The following CAST variants were observed in gnomAD, a reference collection of about 807,000 sequenced individuals.
The protein encoded by CAST is calpastatin.
In CAST, 76 loss-of-function variants were observed where a neutral mutation model predicts 119.6. The ratio of observed to expected loss-of-function variants is 0.64; its 90% CI spans 0.53 to 0.77. CAST has a LOEUF of 0.77. CAST is among the 30% of genes least tolerant of loss of function. CAST has a pLI of 0.00. For synonymous variants in CAST, 319 were observed against 331.6 expected (o/e 0.96, Z 0.41); for missense variants, 953 against 946.5 (o/e 1.01, Z -0.09).
the CAST span, among the ~76,000 whole-genome samples, chr5:96,019,200 GA>G: frequency 6.6e-6 from 1 of 152,126 alleles, no homozygotes; most frequent in Non-Finnish European, 1.5e-5. Flanking sequence ...TATTCAGGAG[GA>G]TCACAGTTAC....
At chr5:96,242,482 G>C in the CAST span, among the ~76,000 whole-genome samples, 1 of 152,162 alleles carries the variant, frequency 6.6e-6, no homozygotes, top group Non-Finnish European at 1.5e-5. Context: ...GGAAGCCAAA[G>C]AAGTGTGTTT....
the CAST span, among the ~76,000 whole-genome samples, chr5:96,144,654 AACACATACCCAG>A: frequency 6.6e-6 from 1 of 150,900 alleles, no homozygotes; most frequent in Non-Finnish European, 1.5e-5. Context: ...TTCGTTCATA[AACACATACCCAG>A]ACACCATTTT....
the CAST span, among the ~76,000 whole-genome samples, chr5:95,965,904 A>C: frequency 6.6e-6 from 1 of 152,220 alleles, no homozygotes; most frequent in Non-Finnish European, 1.5e-5. Flanking sequence ...ATTTACTCTA[A>C]GTACAAGAAA....
chr5:95,984,708 A>G, the CAST span, among the ~76,000 whole-genome samples: 2 of 152,206 alleles, frequency 1.3e-5, no homozygotes, highest in East Asian at 3.8e-4. Flanking sequence ...CTTTGGAACA[A>G]TGTCCAGCAC....
chr5:96,068,335 A>G, the CAST span, among the ~76,000 whole-genome samples: 1 of 152,062 alleles, frequency 6.6e-6, no homozygotes, highest in Admixed American at 6.6e-5. Context: ...GGTCTTGTCT[A>G]GGAAAACGGA....
chr5:96,758,114 C>T (rs1208316726), intron 24 of CAST, among the ~76,000 whole-genome samples: 1 of 152,096 alleles, frequency 6.6e-6, no homozygotes. Flanking sequence ...AAATGTGTTG[C>T]ACCATGAAAT....
chr5:96,294,578 G>A, the CAST span, among the ~76,000 whole-genome samples: 1 of 152,220 alleles, frequency 6.6e-6, no homozygotes, highest in Non-Finnish European at 1.5e-5. Context: ...TCCCTTTGCA[G>A]TGTCTGATAT....
the CAST span, among the ~76,000 whole-genome samples, chr5:96,155,661 T>C: frequency 2.0e-5 from 3 of 152,138 alleles, no homozygotes; most frequent in East Asian, 5.8e-4. Context: ...TCTGAGGTGC[T>C]CCATACCCAC....
At chr5:96,154,139 G>A in the CAST span, among the ~76,000 whole-genome samples, 1 of 152,046 alleles carries the variant, frequency 6.6e-6, no homozygotes, top group Non-Finnish European at 1.5e-5. Context: ...TTAGCCGGGT[G>A]TGGTGGCGGG....
chr5:96,546,733 G>A (rs1032410481), intron 1 of CAST, among the ~76,000 whole-genome samples: 4 of 152,002 alleles, frequency 2.6e-5, no homozygotes, highest in East Asian at 1.9e-4. Context: ...ACTCAAATCC[G>A]GCATATAATG....
intron 1 of CAST, among the ~76,000 whole-genome samples, chr5:96,607,244 C>T (rs936385209): frequency 1.3e-5 from 2 of 152,156 alleles, no homozygotes; most frequent in African/African-American, 4.8e-5. Context: ...GCCGAGATCG[C>T]ACCACTGCAC....
the CAST span, chr5:96,433,366 G>A: frequency 2.5e-6 from 1 of 398,320 alleles, no homozygotes; most frequent in Admixed American, 3.6e-5. Context: ...TCCCGGCGGG[G>A]CGGAGAAGCG....
At chr5:96,300,246 A>C in the CAST span, among the ~76,000 whole-genome samples, 1 of 152,118 alleles carries the variant, frequency 6.6e-6, no homozygotes, top group Admixed American at 6.5e-5. Context: ...TCTTATATTT[A>C]AGTCTTTAAT....
At chr5:96,668,809 TAA>T (rs34079986) in intron 1 of CAST, among the ~76,000 whole-genome samples, 101 of 144,266 alleles carry the variant, frequency 7.0e-4, no homozygotes, top group African/African-American at 2.0e-3. Flanking sequence ...GTTACCCAGG[TAA>T]AAAAAAAAAA....
the CAST span, among the ~76,000 whole-genome samples, chr5:96,021,145 A>G: frequency 6.6e-6 from 1 of 152,278 alleles, no homozygotes; most frequent in East Asian, 1.9e-4. Flanking sequence ...CCAATATAGT[A>G]GAGGGAAGCA....
chr5:96,359,508 G>C, the CAST span, among the ~76,000 whole-genome samples: 1 of 152,078 alleles, frequency 6.6e-6, no homozygotes, highest in Non-Finnish European at 1.5e-5. Flanking sequence ...TCTTTCAGGA[G>C]CTCTTGTAAG....
At chr5:96,556,036 A>C (rs1296126421) in intron 1 of CAST, among the ~76,000 whole-genome samples, 1 of 152,230 alleles carries the variant, frequency 6.6e-6, no homozygotes, top group Non-Finnish European at 1.5e-5. Context: ...ATCAGGCAGC[A>C]ATATTTGCTG....
the CAST span, among the ~76,000 whole-genome samples, chr5:96,001,254 G>A: frequency 6.6e-6 from 1 of 152,120 alleles, no homozygotes; most frequent in Non-Finnish European, 1.5e-5. Flanking sequence ...TTTATAGAGA[G>A]GGATGTGAAA....
At chr5:96,647,095 T>G (rs1748023379) in intron 1 of CAST, among the ~76,000 whole-genome samples, 1 of 152,224 alleles carries the variant, frequency 6.6e-6, no homozygotes, top group African/African-American at 2.4e-5. Context: ...ATGTTTGTGA[T>G]GGAGTTAGGG....
Sources: gnomAD v4.1 joint callset for allele counts (sites outside exome capture counted in the v4.1 genomes callset) on GRCh38, gnomAD v4.1.1 for gene constraint, MANE v1.5 for transcripts, NCBI Gene and HGNC (gene_info 2026-07-23, HGNC 2026-07-21) for gene names.